Variants in AIM2 observed in about 807,000 individuals in gnomAD.
AIM2 encodes the protein absent in melanoma 2.
In AIM2, 30 loss-of-function variants were observed where a neutral mutation model predicts 27.7. The observed-to-expected ratio is 1.08, with a 90% CI of 0.81 to 1.47. The LOEUF is 1.47. Ranked by LOEUF, AIM2 falls within the 40% of genes most tolerant of loss-of-function variation. The pLI, the probability that AIM2 is intolerant of heterozygous loss-of-function variation, is 0.00. For synonymous variants in AIM2, 141 were observed against 145.3 expected (o/e 0.97, Z 0.21); for missense variants, 358 against 411.3 (o/e 0.87, Z 1.12).
At chr1:159,107,770 G>C (rs1439769669) in intron 1 of AIM2, among the ~76,000 whole-genome samples, 1 of 152,040 alleles carries the variant, frequency 6.6e-6, no homozygotes, top group Non-Finnish European at 1.5e-5. Flanking sequence ...AGGCTACTAT[G>C]GACACCTTTA....
chr1:159,102,232 A>G (rs1248040612), intron 1 of AIM2, among the ~76,000 whole-genome samples: 1 of 152,230 alleles, frequency 6.6e-6, no homozygotes, highest in Non-Finnish European at 1.5e-5. Flanking sequence ...GGTAGCTTCC[A>G]CGTGATTTTG....
chr1:159,095,544 A>G (rs1432223420), intron 1 of AIM2, among the ~76,000 whole-genome samples: 1 of 152,162 alleles, frequency 6.6e-6, no homozygotes, highest in Non-Finnish European at 1.5e-5. Context: ...GTGCTCAAGA[A>G]TGCTCTCTGC....
intron 1 of AIM2, among the ~76,000 whole-genome samples, chr1:159,087,424 G>C (rs1656941491): frequency 6.6e-6 from 1 of 152,060 alleles, no homozygotes; most frequent in Admixed American, 6.5e-5. Flanking sequence ...TATACCTGAA[G>C]ACAAGGATGG....
At chr1:159,057,325 C>T in the AIM2 span, among the ~76,000 whole-genome samples, 15 of 152,148 alleles carry the variant, frequency 9.9e-5, no homozygotes. Flanking sequence ...TTATCATAAG[C>T]CGAATGCTAA....
chr1:159,143,253 T>C (rs1159591144), upstream of AIM2, among the ~76,000 whole-genome samples: 2 of 152,126 alleles, frequency 1.3e-5, no homozygotes, highest in Non-Finnish European at 2.9e-5. Context: ...ATCAGGAATA[T>C]AAGCAAAAGG....
At position 159,064,590 on chromosome 1, in the gene AIM2, C is replaced by T. The variant is rs112086500; in HGVS notation, c.817-916G>A. Among the ~76,000 whole-genome samples, 1,285 of 152,272 alleles carry T rather than the reference C, an allele frequency of 8.4e-3. 10 individuals are homozygous for T. The highest frequency in any genetic ancestry group is 0.013 in the Non-Finnish European group (916 of 68,026). On this transcript the variant is annotated intron_variant, in intron 4 of 5. Transcript: ENST00000368130. ...AAGCGATTCTCTTGCCTCAGCCTCC[C>T]GAGTAGCTGGGATTATAGGTGTCCG... is the stretch of plus-strand genomic sequence containing the variant.
chr1:159,143,589 C>CGT (rs1648152561), upstream of AIM2, among the ~76,000 whole-genome samples: 1 of 11,310 alleles, frequency 8.8e-5, no homozygotes, highest in Admixed American at 1.3e-3. Context: ...TGTACACACA[C>CGT]ACACACACAC....
intron 4 of AIM2, among the ~76,000 whole-genome samples, chr1:159,065,285 C>T (rs988121936): frequency 2.6e-5 from 4 of 152,154 alleles, no homozygotes; most frequent in Admixed American, 6.5e-5. Context: ...CTCTGCCCCG[C>T]GGCCCTGTCT....
At chr1:159,133,657 C>A (rs751379984) in intron 1 of AIM2, among the ~76,000 whole-genome samples, 1 of 152,204 alleles carries the variant, frequency 6.6e-6, no homozygotes, top group Non-Finnish European at 1.5e-5. Flanking sequence ...CTACTGACTT[C>A]TCAGCAGCAT....
intron 1 of AIM2, chr1:159,122,099 A>T (rs1213309958): frequency 6.6e-6 from 1 of 152,220 alleles, no homozygotes; most frequent in Non-Finnish European, 1.5e-5. Context: ...AGGCCAGCAG[A>T]TCTCAATTTG....
Position 159,102,785 on chromosome 1 carries a change from T to C in AIM2, c.-15-36456A>G, listed in dbSNP as rs181645831. On this transcript the variant is annotated intron_variant, in intron 1 of 2. Transcript: ENST00000368129. ...ATTTGGAATGAGTGTATTTACTTAA[T>C]GCCTGTACCCTTATTGAATCTAAGA... Among the ~76,000 whole-genome samples, 153 of 152,364 alleles carry C rather than the reference T, an allele frequency of 1.0e-3. 1 individual carries two copies. The highest frequency in any genetic ancestry group is 1.5e-3 in the Non-Finnish European group (103 of 68,030).
chr1:159,085,402 T>G (rs756272685), intron 1 of AIM2, among the ~76,000 whole-genome samples: 3 of 152,164 alleles, frequency 2.0e-5, no homozygotes, highest in Non-Finnish European at 4.4e-5. Flanking sequence ...TATTCCCAGA[T>G]TTCTGGCTCA....
chr1:159,080,138 AAATATCTGTGTGCATGTTT>A, upstream of AIM2, among the ~76,000 whole-genome samples: 1 of 152,322 alleles, frequency 6.6e-6, no homozygotes, highest in East Asian at 1.9e-4. Context: ...AACCTTCTAT[AAATATCTGTGTGCATGTTT>A]TTATGTGGAC....
At chr1:159,056,381 T>C in the AIM2 span, among the ~76,000 whole-genome samples, 24 of 152,048 alleles carry the variant, frequency 1.6e-4, no homozygotes. Flanking sequence ...GGCTGTCTCA[T>C]TGCCCCCTCT....
At position 159,063,621 on chromosome 1, in the gene AIM2, T is replaced by C. The variant is rs1169021397; in HGVS notation, c.870A>G (p.Lys290=). 6.2e-7 allele frequency: 1 copy of C among 1,614,052 alleles called. No individual in the cohort carries two copies. The highest frequency in any genetic ancestry group is 8.5e-7 in the Non-Finnish European group (1 of 1,180,014). The change falls in exon 5 of 6, where the codon AAA becomes AAG. Residue 290 remains lysine (K), a synonymous_variant. Transcript: ENST00000368130. ...CGTTTCTAACCCCCAGTACTTCCAT[T>C]TTCCCAGTGTTGTCACTTAGGTCAA... ...ILFDLSDNTG[K]MEVLGVRNED...
At chr1:159,087,573 C>CTTT (rs55908329) in intron 1 of AIM2, among the ~76,000 whole-genome samples, 1 of 116,816 alleles carries the variant, frequency 8.6e-6, no homozygotes, top group African/African-American at 2.8e-5. Context: ...TGGATAAAGT[C>CTTT]TTTTTTTTTT....
At chr1:159,063,241 C>G (rs1342076345) in intron 5 of AIM2, among the ~76,000 whole-genome samples, 1 of 152,134 alleles carries the variant, frequency 6.6e-6, no homozygotes, top group Non-Finnish European at 1.5e-5. Context: ...ATAAGGAGCT[C>G]TTTTTTGGGC....
intron 1 of AIM2, among the ~76,000 whole-genome samples, chr1:159,089,204 TA>T (rs886565953): frequency 6.6e-6 from 1 of 152,220 alleles, no homozygotes; most frequent in African/African-American, 2.4e-5. Flanking sequence ...TATTTCAATT[TA>T]ATATTCCTAA....
chr1:159,121,278 A>G (rs1396629267), intron 1 of AIM2, among the ~76,000 whole-genome samples: 1 of 152,180 alleles, frequency 6.6e-6, no homozygotes, highest in Non-Finnish European at 1.5e-5. Flanking sequence ...CTTAATCCCT[A>G]AGTAACTGTA....
Sources: gnomAD v4.1 joint callset for allele counts (sites outside exome capture counted in the v4.1 genomes callset) on GRCh38, gnomAD v4.1.1 for gene constraint, MANE v1.5 for transcripts, NCBI Gene and HGNC (gene_info 2026-07-23, HGNC 2026-07-21) for gene names.